The following HYDIN variants were observed in gnomAD, a reference collection of about 807,000 sequenced individuals.
The protein encoded by HYDIN is HYDIN axonemal central pair apparatus protein, also known as axonemal central pair apparatus protein HYDIN.
A neutral mutation model predicts 403.9 loss-of-function variants in HYDIN; 132 were observed. That is an observed-to-expected ratio of 0.33 (90% confidence interval 0.28 to 0.38). The LOEUF is 0.38. Among genes scored for constraint, HYDIN ranks in the 10% least tolerant of loss-of-function variants. The pLI, the probability that HYDIN is intolerant of heterozygous loss-of-function variation, is 1.00. For synonymous variants in HYDIN, 1,202 were observed against 1,891.7 expected (o/e 0.64, Z 9.46); for missense variants, 2,827 against 5,009.5 (o/e 0.56, Z 13.15).
intron 1 of HYDIN, among the ~76,000 whole-genome samples, chr16:71,188,228 C>T (rs1286152216): frequency 3.9e-5 from 6 of 152,076 alleles, no homozygotes; most frequent in Non-Finnish European, 8.8e-5. Context: ...CACCTAGGCT[C>T]AAGCAATCCT....
At chr16:71,082,351 T>C (rs2082809944) in intron 12 of HYDIN, among the ~76,000 whole-genome samples, 1 of 152,128 alleles carries the variant, frequency 6.6e-6, no homozygotes, top group African/African-American at 2.4e-5. Context: ...TACAAACCAC[T>C]AACAATGCAA....
chr16:71,066,712 G>A, intron 15 of HYDIN: 1 of 366,066 alleles, frequency 2.7e-6, no homozygotes, highest in Non-Finnish European at 5.4e-6. Context: ...ACAAATGGCT[G>A]AGCCAGGATT....
chr16:71,206,962 G>A (rs190978116), intron 1 of HYDIN, among the ~76,000 whole-genome samples: 1 of 152,320 alleles, frequency 6.6e-6, no homozygotes, highest in Admixed American at 6.5e-5. Flanking sequence ...TGGTGTCCAT[G>A]AAAGAGACTG....
chr16:71,100,121 C>T (rs1597779845), intron 10 of HYDIN, among the ~76,000 whole-genome samples: 1 of 152,084 alleles, frequency 6.6e-6, no homozygotes, highest in East Asian at 1.9e-4. Flanking sequence ...TTTCAAGGTT[C>T]TATTTATAAT....
At chr16:70,848,317 A>C (rs1242881443) in intron 75 of HYDIN, among the ~76,000 whole-genome samples, 1 of 151,982 alleles carries the variant, frequency 6.6e-6, no homozygotes, top group Non-Finnish European at 1.5e-5. Context: ...TATTAAGTCC[A>C]ACATCTGGGC....
chr16:71,174,910 A>G (rs2086606241), intron 5 of HYDIN, among the ~76,000 whole-genome samples: 1 of 152,178 alleles, frequency 6.6e-6, no homozygotes, highest in Non-Finnish European at 1.5e-5. Flanking sequence ...TGAGTCTTGG[A>G]TCTCTTTTGC....
intron 41 of HYDIN, among the ~76,000 whole-genome samples, chr16:70,948,438 A>G (rs2077951813): frequency 6.6e-6 from 1 of 151,144 alleles, no homozygotes; most frequent in Non-Finnish European, 1.5e-5. Flanking sequence ...AATGGCAACA[A>G]AAGCCAAAAT....
In HYDIN at chr16:70,818,369, G is replaced by C. The variant is rs1226565580; in HGVS notation, c.14631C>G (p.Ser4877=). ...ECRMPDIALP[S]QFVVPANSEG... is the part of the protein sequence containing the mutation. ...CGGAGTTGGCAGGCACCACAAACTG[G>C]GAGGGCAGGGCGATGTCGGGCATCC... The change falls in exon 84 of 86, where the codon TCC becomes TCG. Residue 4877 remains serine, a synonymous_variant. Transcript: ENST00000393567. The C allele has an allele frequency of 6.2e-7, 1 of 1,613,670 alleles. No homozygotes were observed. Among genetic ancestry groups the C allele is most frequent in the South Asian group, 1.1e-5 (1 of 90,972 alleles).
chr16:70,895,676 C>T (rs9939069), intron 54 of HYDIN, among the ~76,000 whole-genome samples: 2,597 of 150,014 alleles, frequency 0.017, 80 homozygotes, highest in African/African-American at 0.06. Context: ...CTTATGGGGA[C>T]ATTTTATGGC....
At position 70,888,452 on chromosome 16, in the gene HYDIN, G is replaced by A. The variant is rs370228931; in HGVS notation, c.9774+1135C>T. Among the ~76,000 whole-genome samples, 1,455 of 152,208 alleles carry A rather than the reference G, an allele frequency of 9.6e-3. 3 individuals are homozygous for A. Among genetic ancestry groups the A allele is most frequent in the Middle Eastern group, 0.075 (22 of 294 alleles). ...CCCACTCAGACCCATCATTCCTGCT[G>A]GGCAGGGGTGGGTGTCCCAGCTCTC... On this transcript the variant is annotated intron_variant, in intron 58 of 85. Transcript: ENST00000393567.
chr16:70,826,674 G>A (rs1325026422), intron 83 of HYDIN, among the ~76,000 whole-genome samples: 1 of 146,416 alleles, frequency 6.8e-6, no homozygotes, highest in East Asian at 2.0e-4. Context: ...TAGAAAAGGA[G>A]ATCTCACACT....
Position 70,833,054 on chromosome 16 carries a change from T to C in HYDIN, c.13693A>G (p.Ile4565Val). 1 of 1,612,834 alleles carries C rather than the reference T, an allele frequency of 6.2e-7. No individual in the cohort carries two copies. The highest frequency in any genetic ancestry group is 8.5e-7 in the Non-Finnish European group (1 of 1,179,514). ...GDVGARFKWD[I>V]KKFEPHFSIS... ...GAGAAATGAGGCTCAAATTTTTTGA[T>C]GTCCCATTTAAACCTTTTCCAAGAA... The change falls in exon 80 of 86, where the codon ATC becomes GTC. Residue 4565 changes from isoleucine to valine, a missense_variant. By Grantham distance (29) the Ile-to-Val change is conservative (BLOSUM62 3). Coordinates refer to ENST00000393567, the MANE Select transcript of HYDIN (RefSeq NM_001270974.2).
At chr16:70,859,028 G>A (rs1467847555) in intron 71 of HYDIN, among the ~76,000 whole-genome samples, 8 of 151,684 alleles carry the variant, frequency 5.3e-5, no homozygotes, top group African/African-American at 1.9e-4. Flanking sequence ...TTGGTCAGGC[G>A]CAGTGGCTCA....
intron 37 of HYDIN, among the ~76,000 whole-genome samples, chr16:70,962,551 G>T (rs978905731): frequency 2.0e-5 from 3 of 152,136 alleles, no homozygotes; most frequent in African/African-American, 4.8e-5. Flanking sequence ...CTAAGCTTGG[G>T]GTTATATTGT....
At chr16:71,065,213 G>C (rs1258308291) in intron 15 of HYDIN, among the ~76,000 whole-genome samples, 1 of 152,170 alleles carries the variant, frequency 6.6e-6, no homozygotes, top group Non-Finnish European at 1.5e-5. Context: ...GTCCTAACTA[G>C]CTGTGACACT....
At chr16:70,947,769 A>C (rs2077922243) in intron 41 of HYDIN, among the ~76,000 whole-genome samples, 1 of 152,198 alleles carries the variant, frequency 6.6e-6, no homozygotes, top group South Asian at 2.1e-4. Context: ...GGACCTCTTC[A>C]AGGAGAACTA....
intron 45 of HYDIN, among the ~76,000 whole-genome samples, chr16:70,928,449 A>AC (rs2077220575): frequency 1.3e-5 from 2 of 152,172 alleles, no homozygotes; most frequent in South Asian, 4.1e-4. Flanking sequence ...ATGGAGTCAG[A>AC]CCCTGCCTAA....
intron 36 of HYDIN, among the ~76,000 whole-genome samples, chr16:70,966,143 T>C (rs2143966030): frequency 6.6e-6 from 1 of 152,040 alleles, no homozygotes. Flanking sequence ...AAGTCTCCAT[T>C]GCCATCTCAT....
In HYDIN at chr16:70,807,573, G is replaced by A; in HGVS notation, c.*7C>T. The A allele has an allele frequency of 6.3e-7, 1 of 1,599,270 alleles. No individual in the cohort carries two copies. Among genetic ancestry groups the A allele is most frequent in the Non-Finnish European group, 8.5e-7 (1 of 1,171,940 alleles). On this transcript the variant is annotated 3_prime_UTR_variant, in exon 86 of 86. Coordinates refer to ENST00000393567, the MANE Select transcript of HYDIN (RefSeq NM_001270974.2). ...CTTTTGGTTGATACAGGTAACCCTG[G>A]TTACCACTAAAGGGTGATCCCCTTC...
Sources: gnomAD v4.1 joint callset for allele counts (sites outside exome capture counted in the v4.1 genomes callset) on GRCh38, gnomAD v4.1.1 for gene constraint, MANE v1.5 for transcripts, NCBI Gene and HGNC (gene_info 2026-07-23, HGNC 2026-07-21) for gene names.